SLC17A7: variants seen among roughly 807,000 people sequenced by gnomAD.
SLC17A7 encodes the protein vesicular glutamate transporter 1.
In SLC17A7, 15 loss-of-function variants were observed where a neutral mutation model predicts 59.1. The ratio of observed to expected loss-of-function variants is 0.25; its 90% CI spans 0.17 to 0.39. The LOEUF (loss-of-function observed/expected upper bound fraction) is 0.39, where lower values mean the gene tolerates loss of function less well. Among genes scored for constraint, SLC17A7 ranks in the 10% least tolerant of loss-of-function variants. The pLI is 1.00. For synonymous variants in SLC17A7, 353 were observed against 308.9 expected, an observed-to-expected ratio of 1.14 and a Z score of -1.50; for missense variants, 499 against 765.1, an observed-to-expected ratio of 0.65 and a Z score of 4.10.
Position 49,433,018 on chromosome 19 carries a change from G to C in SLC17A7, c.868-58C>G, listed in dbSNP as rs2078966831. 1 of 1,518,570 alleles carries C rather than the reference G, an allele frequency of 6.6e-7. No individual in the cohort carries two copies. Among genetic ancestry groups the C allele is most frequent in the Non-Finnish European group, 9.0e-7 (1 of 1,113,332 alleles). The allele number at this position is 1,518,570 out of a possible 1,614,324, so 94.1% of individuals were successfully genotyped here. ...GGAGCGGGGCTGAGGGCTTCTCCGCGTCCCTTCAGGGACCACAGTGTAGTT... is the reference window on the plus strand; with the variant it reads ...GGAGCGGGGCTGAGGGCTTCTCCGCCTCCCTTCAGGGACCACAGTGTAGTT... On this transcript the variant is annotated intron_variant, in intron 7 of 11. Transcript: ENST00000221485. This position sits in a 1 kb window ranked among gnomAD's most constrained non-coding sequence, Gnocchi z 5.7.
Position 49,431,470 on chromosome 19 carries a change from G to T in SLC17A7, c.1151-22C>A, listed in dbSNP as rs949272244. 2 of 1,599,772 alleles carry T rather than the reference G, an allele frequency of 1.3e-6. No individual in the cohort carries two copies. The highest frequency in any genetic ancestry group is 2.7e-5 in the African/African-American group (2 of 74,624). On this transcript the variant is annotated intron_variant, in intron 9 of 11. Coordinates refer to ENST00000221485, the MANE Select transcript of SLC17A7 (RefSeq NM_020309.4). This position sits in a 1 kb window ranked among gnomAD's most constrained non-coding sequence, Gnocchi z 4.6. ...AAGCCTACGGGGGCGGGGGGGGCCC[G>T]CGTCTCCTGAGTGTCGGCCGGAGCA...
chr19:49,437,585 G>A (rs1194958912), intron 1 of SLC17A7: 2 of 153,252 alleles, frequency 1.3e-5, no homozygotes, highest in African/African-American at 4.8e-5. Context: ...GAGATGGGGG[G>A]AGTTGTACAG....
At chr19:49,439,470 G>A (rs1415141568) in intron 1 of SLC17A7, among the ~76,000 whole-genome samples, 1 of 152,170 alleles carries the variant, frequency 6.6e-6, no homozygotes, top group East Asian at 1.9e-4. Flanking sequence ...CTGGGTGCAA[G>A]GAAGCTCCCC....
At position 49,429,696 on chromosome 19, in the gene SLC17A7, T is replaced by C. The variant is rs908430976; in HGVS notation, c.*823A>G. The C allele has an allele frequency of 5.0e-6, 2 of 396,254 alleles. No homozygotes were observed. Among genetic ancestry groups the C allele is most frequent in the African/African-American group, 2.1e-5 (1 of 48,332 alleles). 24.5% of individuals were successfully genotyped at this position (396,254 alleles called of 1,614,324 possible). A position where few individuals can be genotyped will look rare whatever the true frequency, so the allele number is the denominator to read the frequency against. ...ACCCAGGAGAATAAAGTGCGAGGAA[T>C]TGGGGAGGGGGCATCATGAAACCAC... On this transcript the variant is annotated 3_prime_UTR_variant, in exon 12 of 12. Transcript: ENST00000221485.
In SLC17A7 at chr19:49,436,741, C is replaced by A. The variant is rs779533789; in HGVS notation, c.123G>T (p.Pro41=). 4.3e-6 allele frequency: 7 copies of A among 1,610,078 alleles called. No individual in the cohort carries two copies. Among genetic ancestry groups the A allele is most frequent in the Non-Finnish European group, 3.4e-6 (4 of 1,179,938 alleles). The change falls in exon 2 of 12, where the codon CCG becomes CCT. Residue 41 remains proline, a synonymous_variant. Coordinates refer to ENST00000221485, the MANE Select transcript of SLC17A7 (RefSeq NM_020309.4). The surrounding 1 kb of genome is among the most constrained non-coding windows in gnomAD (Gnocchi z 4.1). The part of the protein sequence containing the change: ...ETLELSADGR[P]VTTQTRDPPV... Reference sequence around the variant, plus strand: ...GCGGGTCCCGGGTCTGCGTGGTCACCGGGCGCCCATCCGCACTCAGCTCCA... The same window carrying A: ...GCGGGTCCCGGGTCTGCGTGGTCACAGGGCGCCCATCCGCACTCAGCTCCA...
chr19:49,437,793 C>A, intron 1 of SLC17A7: 1 of 148,306 alleles, frequency 6.7e-6, no homozygotes, highest in Non-Finnish European at 1.5e-5. Flanking sequence ...GGGACAGAGA[C>A]CCAGAAAGAG....
Position 49,431,447 on chromosome 19 carries a change from G to A in SLC17A7, c.1152C>T (p.Gly384=). The change falls in exon 10 of 12, where the codon GGC becomes GGT. Residue 384 remains glycine (G), a splice_region_variant and synonymous_variant. Coordinates refer to ENST00000221485, the MANE Select transcript of SLC17A7 (RefSeq NM_020309.4). The surrounding 1 kb of genome is among the most constrained non-coding windows in gnomAD (Gnocchi z 4.6). ...TNVRKLMNCG[G]FGMEATLLLV... ...ACAGCAGCGTGGCTTCCATGCCGAAGCCTACGGGGGCGGGGGGGGCCCGCG... is the reference window on the plus strand; with the variant it reads ...ACAGCAGCGTGGCTTCCATGCCGAAACCTACGGGGGCGGGGGGGGCCCGCG... 6.2e-7 allele frequency: 1 copy of A among 1,612,910 alleles called. No homozygotes were observed. Among genetic ancestry groups the A allele is most frequent in the Non-Finnish European group, 8.5e-7 (1 of 1,179,566 alleles).
rs2078951503 is a variant in SLC17A7 at position 49,429,971 on chromosome 19, A to C, written c.*548T>G. ...AGTGGGCACGGAATCGGGGACTTGA[A>C]ACCGCCATTTTCCATCAGAAACGCT... is the stretch of plus-strand genomic sequence containing the variant. On this transcript the variant is annotated 3_prime_UTR_variant, in exon 12 of 12. Coordinates refer to ENST00000221485, the MANE Select transcript of SLC17A7 (RefSeq NM_020309.4). 5.6e-6 allele frequency: 1 copy of C among 180,180 alleles called. No individual in the cohort carries two copies. Among genetic ancestry groups the C allele is most frequent in the African/African-American group, 2.3e-5 (1 of 42,726 alleles). The allele number at this position is 180,180 out of a possible 1,614,324, so 11.2% of individuals were successfully genotyped here.
Position 49,441,333 on chromosome 19 carries a change from A to G in SLC17A7, c.47T>C (p.Leu16Pro). 1.2e-6 allele frequency: 2 copies of G among 1,610,224 alleles called. No individual in the cohort carries two copies. Among genetic ancestry groups the G allele is most frequent in the Non-Finnish European group, 1.7e-6 (2 of 1,179,056 alleles). ...CCAGGCTCACCGGTGCAGCTTCCCG[A>G]GAGCACGACCCGCTAGCTTCCGAAA... The part of the protein sequence containing the change: ...EEFRKLAGRA[L>P]GKLHRLLEKR... The change falls in exon 1 of 12, where the codon CTC (leucine) becomes CCC (proline). Residue 16 changes from leucine to proline, a missense_variant. Around this residue, in one of 3 missense-constraint regions of SLC17A7, gnomAD observed 78 missense variants for 80.4 expected, o/e 0.97. Transcript: ENST00000221485.
At chr19:49,437,744 A>G (rs926666391) in intron 1 of SLC17A7, 3 of 151,888 alleles carry the variant, frequency 2.0e-5, no homozygotes, top group Admixed American at 2.0e-4. Flanking sequence ...GGGGACAGAG[A>G]CCCAGAGATA....
intron 8 of SLC17A7, 53 bp downstream of exon 8, chr19:49,432,758 T>C: frequency 6.3e-7 from 1 of 1,593,764 alleles, no homozygotes; most frequent in South Asian, 1.1e-5. Flanking sequence ...TCGCCGCCAG[T>C]TCCCTCCCGC....
Position 49,433,464 on chromosome 19 carries a change from A to G in SLC17A7, c.867+262T>C, listed in dbSNP as rs1441842735. ...CTCAAGGTCTAAGCAAAACCCCCAC[A>G]TTCTAATCCCTTCTCTGCTGGCTTT... On this transcript the variant is annotated intron_variant, in intron 7 of 11. Transcript: ENST00000221485. This position sits in a 1 kb window ranked among gnomAD's most constrained non-coding sequence, Gnocchi z 5.7. 1.7e-6 allele frequency: 1 copy of G among 595,382 alleles called. No homozygotes were observed. The highest frequency in any genetic ancestry group is 3.1e-6 in the Non-Finnish European group (1 of 327,082). The allele number at this position is 595,382 out of a possible 1,614,324, so 36.9% of individuals were successfully genotyped here. A position where few individuals can be genotyped will look rare whatever the true frequency, so the allele number is the denominator to read the frequency against.
At chr19:49,437,173 G>A (rs2078982951) in intron 1 of SLC17A7, 2 of 320,840 alleles carry the variant, frequency 6.2e-6, no homozygotes, top group Admixed American at 4.5e-5. Flanking sequence ...CCGGATAAGA[G>A]TCTATTCGAG....
In SLC17A7 at chr19:49,433,761, T is replaced by C. The variant is rs2078969715; in HGVS notation, c.832A>G (p.Ile278Val). The change falls in exon 7 of 12, where the codon ATC (isoleucine) becomes GTC (valine). Residue 278 changes from isoleucine (I) to valine (V), a missense_variant. Ile to Val is a conservative substitution (Grantham distance 29). This residue lies in a region of SLC17A7 where 323 missense variants were observed against 607.2 expected (regional missense o/e 0.53). Transcript: ENST00000221485. The surrounding 1 kb of genome is among the most constrained non-coding windows in gnomAD (Gnocchi z 5.7). ...TTCATGAGTTTCGCGCTCTCTCCGATGGCGTCCTCGATGTACTTGCGCTCC... is the reference window on the plus strand; with the variant it reads ...TTCATGAGTTTCGCGCTCTCTCCGACGGCGTCCTCGATGTACTTGCGCTCC... ...EEERKYIEDA[I>V]GESAKLMNPL... 6.2e-7 allele frequency: 1 copy of C among 1,614,092 alleles called. No homozygotes were observed. The highest frequency in any genetic ancestry group is 1.1e-5 in the South Asian group (1 of 91,084).
At position 49,429,456 on chromosome 19, in the gene SLC17A7, G is replaced by A; in HGVS notation, c.*1063C>T. 1 of 399,052 alleles carries A rather than the reference G, an allele frequency of 2.5e-6. No homozygotes were observed. The highest frequency in any genetic ancestry group is 4.4e-6 in the Non-Finnish European group (1 of 226,166). The allele number at this position is 399,052 out of a possible 1,614,324, so 24.7% of individuals were successfully genotyped here. On this transcript the variant is annotated 3_prime_UTR_variant, in exon 12 of 12. Coordinates refer to ENST00000221485, the MANE Select transcript of SLC17A7 (RefSeq NM_020309.4). ...GGGCAGGGCAGGATTTACAGTCACA[G>A]AGACAGAGACACAAAGACACAACCC... is the stretch of plus-strand genomic sequence containing the variant.
At chr19:49,434,967 C>A in intron 3 of SLC17A7, 85 bp from the exon 4 acceptor site, 1 of 1,360,402 alleles carries the variant, frequency 7.4e-7, no homozygotes, top group Non-Finnish European at 1.0e-6. Context: ...AAGCTAGGCC[C>A]AGTGGTCCCC....
chr19:49,439,107 G>A lies in SLC17A7; in HGVS notation c.62+2211C>T, dbSNP rs1342493825. The stretch of plus-strand genomic sequence containing the variant: ...CCCCAAACTCAGGCCTGGGGACTTG[G>A]CGATGAGGAAAAACAACACTTAGGA... On this transcript the variant is annotated intron_variant, in intron 1 of 11. Transcript: ENST00000221485. 3.9e-5 allele frequency among the ~76,000 whole-genome samples: 6 copies of A among 152,178 alleles called. No homozygotes were observed. The South Asian group carries it at 8.3e-4, about 21-fold the overall frequency.
Position 49,431,756 on chromosome 19 carries a change from C to T in SLC17A7, c.1151-308G>A, listed in dbSNP as rs2078961330. On this transcript the variant is annotated intron_variant, in intron 9 of 11. Transcript: ENST00000221485. This position sits in a 1 kb window ranked among gnomAD's most constrained non-coding sequence, Gnocchi z 4.6. ...CCTGCTGTGCACGCTCACACCTTCC[C>T]CTCAATCCCCACTCATGAGTTTTTG... is the stretch of plus-strand genomic sequence containing the variant. Among the ~76,000 whole-genome samples the T allele has an allele frequency of 6.6e-6, 1 of 151,788 alleles. No homozygotes were observed. Among genetic ancestry groups the T allele is most frequent in the South Asian group, 2.1e-4 (1 of 4,802 alleles).
rs1249209910 is a variant in SLC17A7, at chr19:49,433,539, C to T, written c.867+187G>A. 7.6e-6 allele frequency: 6 copies of T among 788,344 alleles called. No individual in the cohort carries two copies. The highest frequency in any genetic ancestry group is 4.4e-5 in the South Asian group (3 of 68,514). 48.8% of individuals were successfully genotyped at this position (788,344 alleles called of 1,614,324 possible). A position where few individuals can be genotyped will look rare whatever the true frequency, so the allele number is the denominator to read the frequency against. On this transcript the variant is annotated intron_variant, in intron 7 of 11. Coordinates refer to ENST00000221485, the MANE Select transcript of SLC17A7 (RefSeq NM_020309.4). The surrounding 1 kb of genome is among the most constrained non-coding windows in gnomAD (Gnocchi z 5.7). Reference sequence around the variant, plus strand: ...ATCCTGCTCAACTCCCGACCTAACCCTGCCCCCAGCACCTGAGAATCTCGT... The same window carrying T: ...ATCCTGCTCAACTCCCGACCTAACCTTGCCCCCAGCACCTGAGAATCTCGT...
Sources: allele counts gnomAD v4.1 joint callset (sites outside exome capture counted in the v4.1 genomes callset), GRCh38; gene constraint gnomAD v4.1.1; regional missense constraint gnomAD v4.1.1; non-coding constraint Gnocchi (gnomAD v3.1); transcripts MANE v1.5; gene names NCBI Gene and HGNC (gene_info 2026-07-23, HGNC 2026-07-21).